The following PIEZO1 variants were observed in gnomAD, a reference collection of about 807,000 sequenced individuals.
PIEZO1 encodes the protein piezo type mechanosensitive ion channel component 1 (Er blood group), also known as piezo-type mechanosensitive ion channel component 1.
PIEZO1 carries 296 observed loss-of-function variants against 297.2 expected under a neutral mutation model. The ratio of observed to expected loss-of-function variants is 1.00; its 90% CI spans 0.91 to 1.10. The LOEUF (loss-of-function observed/expected upper bound fraction) is 1.10. Among genes scored for constraint, PIEZO1 ranks in the 50% least tolerant of loss-of-function variants. The probability of loss-of-function intolerance (pLI) is 0.00; values close to 1 mark genes in which losing one functional copy is unlikely to be tolerated. For synonymous variants in PIEZO1, 2,427 were observed against 1,507.5 expected (o/e 1.61, Z -14.13); for missense variants, 5,018 against 3,455.5 (o/e 1.45, Z -11.34).
In PIEZO1 at chr16:88,725,009, C is replaced by A; in HGVS notation, c.4234G>T (p.Val1412Phe). Residue 1412 changes from valine (V) to phenylalanine (F), a missense_variant and splice_region_variant, in exon 30 of 51, where the codon GTC becomes TTC. By Grantham distance (50) the Val-to-Phe change is conservative. Transcript: ENST00000301015. Reference sequence around the variant, plus strand: ...CCACAGGCGGCCTAATTGGGGGTACCTGTGGCGTGGTCCAGCCAGGGCCGC... The same window carrying A: ...CCACAGGCGGCCTAATTGGGGGTACATGTGGCGTGGTCCAGCCAGGGCCGC... ...WWRPWLDHAT[V>F]IHSGDYFLFE... 6.8e-7 allele frequency: 1 copy of A among 1,481,474 alleles called. No homozygotes were observed. Among genetic ancestry groups the A allele is most frequent in the Non-Finnish European group, 9.0e-7 (1 of 1,116,242 alleles). The allele number at this position is 1,481,474 out of a possible 1,614,324, so 91.8% of individuals were successfully genotyped here. A position where few individuals can be genotyped will look rare whatever the true frequency, so the allele number is the denominator to read the frequency against.
chr16:88,742,044 T>C lies in PIEZO1; in HGVS notation c.326+9A>G. The C allele has an allele frequency of 6.5e-7, 1 of 1,535,874 alleles. No individual in the cohort carries two copies. The highest frequency in any genetic ancestry group is 1.2e-5 in the South Asian group (1 of 84,054). On this transcript the variant is annotated intron_variant, in intron 4 of 50. Transcript: ENST00000301015. Reference sequence around the variant, plus strand: ...GCTTGCTGGTTGGGGGTGGGAGGAATGGTCTTACCTTGTGACCCCTATGTG... The same window carrying C: ...GCTTGCTGGTTGGGGGTGGGAGGAACGGTCTTACCTTGTGACCCCTATGTG...
At position 88,731,899 on chromosome 16, in the gene PIEZO1, C is replaced by A; in HGVS notation, c.3003G>T (p.Leu1001=). ...FYKFGLEICF[L]MAVNVIGQRM... ...GCTGCCCGATCACGTTCACGGCCAT[C>A]AGGAAGCAGATCTGGGGAGGGGAGA... Residue 1001 remains leucine, a synonymous_variant, in exon 22 of 51, where the codon CTG becomes CTT. Transcript: ENST00000301015. The A allele has an allele frequency of 1.3e-6, 1 of 745,626 alleles. No homozygotes were observed. The highest frequency in any genetic ancestry group is 1.6e-6 in the Non-Finnish European group (1 of 607,382). The allele number at this position is 745,626 out of a possible 1,614,324, so 46.2% of individuals were successfully genotyped here. A position where few individuals can be genotyped will look rare whatever the true frequency, so the allele number is the denominator to read the frequency against.
intron 35 of PIEZO1, 22 bp from the exon 36 acceptor site, chr16:88,722,419 CAG>C (rs1904286518): frequency 1.3e-6 from 2 of 1,483,508 alleles, no homozygotes; most frequent in South Asian, 2.7e-5. Flanking sequence ...AGCCGAGTCA[CAG>C]AGAATCCTGC....
chr16:88,761,415 T>C (rs997722884), intron 1 of PIEZO1, among the ~76,000 whole-genome samples: 2 of 152,182 alleles, frequency 1.3e-5, no homozygotes, highest in East Asian at 3.8e-4. Context: ...TAAGAGTGAC[T>C]TGCAGGGCAC....
rs367948324 is a variant in PIEZO1, at chr16:88,741,567, G to C, written c.376C>G (p.Leu126Val). ...PNAIRLVAPD[L>V]GILVVSSVCL... is the part of the protein sequence containing the mutation. ...ACAGAGGAGACCACCAAGATGCCCAGGTCAGGGGCCACCAGCCGGATGGCG... is the reference window on the plus strand; with the variant it reads ...ACAGAGGAGACCACCAAGATGCCCACGTCAGGGGCCACCAGCCGGATGGCG... The change falls in exon 5 of 51, where the codon CTG (leucine) becomes GTG (valine). Residue 126 changes from leucine (L) to valine (V), a missense_variant. By Grantham distance (32) the Leu-to-Val change is conservative. Coordinates refer to ENST00000301015, the MANE Select transcript of PIEZO1 (RefSeq NM_001142864.4). The C allele has an allele frequency of 1.0e-4, 155 of 1,535,610 alleles. No homozygotes were observed. The highest frequency in any genetic ancestry group is 3.1e-5 in the Non-Finnish European group (36 of 1,146,760).
chr16:88,754,144 T>C (rs1420091083), intron 1 of PIEZO1, among the ~76,000 whole-genome samples: 2 of 152,110 alleles, frequency 1.3e-5, no homozygotes. Flanking sequence ...TCCAGCTCCT[T>C]GGGAAGCAGA....
At chr16:88,722,130 G>A (rs1904283546) in intron 36 of PIEZO1, 64 bp from the exon 37 acceptor site, 1 of 1,522,928 alleles carries the variant, frequency 6.6e-7, no homozygotes, top group Non-Finnish European at 8.8e-7. Context: ...GGCCCGATCT[G>A]TTGCCGGTCA....
intron 1 of PIEZO1, among the ~76,000 whole-genome samples, chr16:88,770,430 C>T (rs1032091245): frequency 3.3e-5 from 5 of 152,234 alleles, no homozygotes; most frequent in African/African-American, 1.2e-4. Context: ...ACGGGAGCGG[C>T]TGCCTGGCCA....
rs1375081758 is a variant in PIEZO1 at position 88,784,911 on chromosome 16, C to A, written c.54G>T (p.Ala18=). ...AVLYWLLLPC[A]LLAACLLRFS... ...CCGCCCCCCACTCACCAGCCAGCAGCGCGCAGGGCAGCAGCAGCCAGTACA... is the reference window on the plus strand; with the variant it reads ...CCGCCCCCCACTCACCAGCCAGCAGAGCGCAGGGCAGCAGCAGCCAGTACA... Residue 18 remains alanine (A), a synonymous_variant, in exon 1 of 51, where the codon GCG becomes GCT. Coordinates refer to ENST00000301015, the MANE Select transcript of PIEZO1 (RefSeq NM_001142864.4). The A allele has an allele frequency of 2.1e-6, 3 of 1,436,338 alleles. No homozygotes were observed. Among genetic ancestry groups the A allele is most frequent in the Non-Finnish European group, 2.7e-6 (3 of 1,092,980 alleles). The allele number at this position is 1,436,338 out of a possible 1,614,324, so 89.0% of individuals were successfully genotyped here.
In PIEZO1 at chr16:88,721,237, G is replaced by T; in HGVS notation, c.5597C>A (p.Thr1866Lys). Residue 1866 changes from threonine to lysine, a missense_variant, in exon 39 of 51, where the codon ACG becomes AAG. Thr to Lys is a moderately conservative substitution (Grantham distance 78). Coordinates refer to ENST00000301015, the MANE Select transcript of PIEZO1 (RefSeq NM_001142864.4). The stretch of plus-strand genomic sequence containing the variant: ...TCTAAAACGTAGACTGATGCGCCTC[G>T]TATCACGGGGCCTGAGCTCCACTTG... ...EPQVELRPRD[T>K]RRISLRFRRR... is the part of the protein sequence containing the mutation. 1.9e-6 allele frequency: 3 copies of T among 1,540,836 alleles called. No homozygotes were observed. Among genetic ancestry groups the T allele is most frequent in the African/African-American group, 1.4e-5 (1 of 73,068 alleles).
chr16:88,733,547 C>T, intron 18 of PIEZO1, 41 bp downstream of exon 18: 5 of 1,528,110 alleles, frequency 3.3e-6, no homozygotes, highest in African/African-American at 1.4e-5. Flanking sequence ...GCCAGAGCGA[C>T]CCCACCCCAG....
intron 1 of PIEZO1, among the ~76,000 whole-genome samples, chr16:88,751,451 G>A (rs889790143): frequency 6.6e-6 from 1 of 152,172 alleles, no homozygotes; most frequent in African/African-American, 2.4e-5. Flanking sequence ...AATCGCGCTC[G>A]GCGCTGCTAC....
At chr16:88,748,542 C>T (rs547731077) in intron 2 of PIEZO1, among the ~76,000 whole-genome samples, 24 of 151,032 alleles carry the variant, frequency 1.6e-4, no homozygotes, top group East Asian at 1.2e-3. Context: ...AACCCCACAG[C>T]GGGCAGCGGG....
intron 10 of PIEZO1, 150 bp downstream of exon 10, chr16:88,737,409 A>T: frequency 1.7e-6 from 1 of 592,642 alleles, no homozygotes; most frequent in Non-Finnish European, 2.9e-6. Context: ...GGTCACTGAC[A>T]CCGACCCGTG....
rs1453417668 is a variant in PIEZO1 at position 88,719,600 on chromosome 16, T to C, written c.6445A>G (p.Ile2149Val). ...VEDIYANIFI[I>V]KCSRETEKKY... The stretch of plus-strand genomic sequence containing the variant: ...TTCTCTGTCTCTCGGCTGCATTTGA[T>C]GATGAAGATGTTGGCATAGATGTCC... Residue 2149 changes from isoleucine to valine, a missense_variant, in exon 44 of 51, where the codon ATC (isoleucine) becomes GTC (valine). By Grantham distance (29) the Ile-to-Val change is conservative. Coordinates refer to ENST00000301015, the MANE Select transcript of PIEZO1 (RefSeq NM_001142864.4). The C allele has an allele frequency of 1.3e-6, 2 of 1,551,296 alleles. No homozygotes were observed. The highest frequency in any genetic ancestry group is 1.4e-5 in the African/African-American group (1 of 73,084).
intron 1 of PIEZO1, among the ~76,000 whole-genome samples, chr16:88,779,217 T>G (rs1337305651): frequency 1.3e-5 from 2 of 152,004 alleles, no homozygotes; most frequent in Non-Finnish European, 2.9e-5. Context: ...TTTTGTATTT[T>G]TAGCTGAGAT....
At chr16:88,730,863 G>A (rs12102999) in intron 22 of PIEZO1, among the ~76,000 whole-genome samples, 2,547 of 152,352 alleles carry the variant, frequency 0.017, 69 homozygotes, top group African/African-American at 0.056. Context: ...TGTCCTTGAT[G>A]GGAATCCCAG....
Position 88,720,515 on chromosome 16 carries a change from C to G in PIEZO1, c.5819G>C (p.Arg1940Pro). 1 of 1,550,150 alleles carries G rather than the reference C, an allele frequency of 6.5e-7. No homozygotes were observed. The highest frequency in any genetic ancestry group is 8.7e-7 in the Non-Finnish European group (1 of 1,146,954). Reference protein sequence around the residue: ...FCLSLAQGTYRPLRRFFHDIL... With the variant: ...FCLSLAQGTYPPLRRFFHDIL... Reference sequence around the variant, plus strand: ...GTCGTGGAAGAAGCGCCGTAGCGGCCGATATGTGCCCTGGGCCCTGCGGAA... The same window carrying G: ...GTCGTGGAAGAAGCGCCGTAGCGGCGGATATGTGCCCTGGGCCCTGCGGAA... The change falls in exon 41 of 51, where the codon CGG (arginine) becomes CCG (proline). Residue 1940 changes from arginine to proline, a missense_variant. Physicochemically the swap from Arg to Pro is moderately radical, Grantham distance 103. Coordinates refer to ENST00000301015, the MANE Select transcript of PIEZO1 (RefSeq NM_001142864.4).
intron 1 of PIEZO1, among the ~76,000 whole-genome samples, chr16:88,753,107 C>T (rs1906476520): frequency 1.1e-5 from 1 of 91,716 alleles, no homozygotes; most frequent in Non-Finnish European, 2.4e-5. Flanking sequence ...ACCCACCGCC[C>T]CCCAGAGCAC....
Sources: gnomAD v4.1 joint callset for allele counts (sites outside exome capture counted in the v4.1 genomes callset) on GRCh38, gnomAD v4.1.1 for gene constraint, MANE v1.5 for transcripts, NCBI Gene and HGNC (gene_info 2026-07-23, HGNC 2026-07-21) for gene names.